Variants in WDFY4 observed in about 807,000 individuals in gnomAD.
WDFY4 encodes the protein WDFY family member 4, also known as WD repeat- and FYVE domain-containing protein 4.
A neutral mutation model predicts 351.9 loss-of-function variants in WDFY4; 169 were observed. That is an observed-to-expected ratio of 0.48 (90% CI 0.42 to 0.55). The LOEUF is 0.55. Ranked by LOEUF, WDFY4 falls within the 20% of genes least tolerant of loss-of-function variation. The probability of loss-of-function intolerance (pLI) is 0.00; values close to 1 mark genes in which losing one functional copy is unlikely to be tolerated. For synonymous variants in WDFY4, 1,622 were observed against 1,574.6 expected (o/e 1.03, Z -0.71); for missense variants, 3,803 against 3,935.6 (o/e 0.97, Z 0.90).
intron 5 of WDFY4, among the ~76,000 whole-genome samples, chr10:48,724,016 C>G (rs1589457110): frequency 6.6e-6 from 1 of 152,178 alleles, no homozygotes; most frequent in South Asian, 2.1e-4. Flanking sequence ...TCTCAGGCCT[C>G]TAAGCATCAA....
intron 39 of WDFY4, among the ~76,000 whole-genome samples, chr10:48,844,223 A>T (rs2068702467): frequency 6.6e-6 from 1 of 152,202 alleles, no homozygotes; most frequent in South Asian, 2.1e-4. Context: ...GGTTGATGTA[A>T]ACTTGGCTCT....
intron 23 of WDFY4, among the ~76,000 whole-genome samples, chr10:48,794,095 G>A (rs2066773088): frequency 6.6e-6 from 1 of 152,176 alleles, no homozygotes; most frequent in Non-Finnish European, 1.5e-5. Flanking sequence ...TGGAGGGTAG[G>A]GAGCCATAGC....
chr10:48,812,247 T>G (rs1269460593), intron 30 of WDFY4, among the ~76,000 whole-genome samples: 1 of 147,086 alleles, frequency 6.8e-6, no homozygotes, highest in African/African-American at 2.6e-5. Flanking sequence ...GAGAGTGCAG[T>G]GGCGTGATCT....
At chr10:48,838,062 C>T (rs1298540384) in intron 39 of WDFY4, among the ~76,000 whole-genome samples, 1 of 152,234 alleles carries the variant, frequency 6.6e-6, no homozygotes, top group Admixed American at 6.5e-5. Context: ...TATTAGCAAA[C>T]TGAAATGGCC....
chr10:48,964,959 C>T (rs1387227405), intron 54 of WDFY4, among the ~76,000 whole-genome samples: 1 of 152,078 alleles, frequency 6.6e-6, no homozygotes, highest in Non-Finnish European at 1.5e-5. Flanking sequence ...GAGGTTTGCT[C>T]AGCTCCCAGG....
At chr10:48,977,528 C>A (rs1007568443) in intron 59 of WDFY4, among the ~76,000 whole-genome samples, 1 of 152,178 alleles carries the variant, frequency 6.6e-6, no homozygotes, top group Non-Finnish European at 1.5e-5. Context: ...CCTAGGCAGT[C>A]CCCTCATAGG....
intron 12 of WDFY4, among the ~76,000 whole-genome samples, chr10:48,743,750 T>A (rs1038113843): frequency 6.6e-6 from 1 of 152,050 alleles, no homozygotes; most frequent in African/African-American, 2.4e-5. Context: ...TCAATCTGAG[T>A]CAGTACTGGG....
At chr10:48,917,557 C>T (rs1838665229) in intron 47 of WDFY4, among the ~76,000 whole-genome samples, 1 of 152,214 alleles carries the variant, frequency 6.6e-6, no homozygotes, top group Non-Finnish European at 1.5e-5. Flanking sequence ...GGTTTCTCAT[C>T]AGAAACCACA....
At chr10:48,969,042 C>A in intron 55 of WDFY4, 22 bp from the exon 56 acceptor site, 1 of 1,547,488 alleles carries the variant, frequency 6.5e-7, no homozygotes, top group South Asian at 1.2e-5. Flanking sequence ...TGCATAAGTT[C>A]GCCATACTAA....
intron 59 of WDFY4, among the ~76,000 whole-genome samples, chr10:48,977,776 G>C (rs1009505074): frequency 5.9e-5 from 9 of 152,218 alleles, no homozygotes; most frequent in African/African-American, 2.2e-4. Flanking sequence ...GCCTGGCGTG[G>C]GGCTCACAGA....
chr10:48,853,164 T>C (rs2069014637), intron 39 of WDFY4, among the ~76,000 whole-genome samples: 1 of 152,174 alleles, frequency 6.6e-6, no homozygotes, highest in African/African-American at 2.4e-5. Context: ...TCCAGTTTTC[T>C]GACCTTGTCT....
At chr10:48,830,933 G>A (rs944292694) in intron 38 of WDFY4, 48 bp downstream of exon 38, 12 of 1,524,324 alleles carry the variant, frequency 7.9e-6, no homozygotes, top group Admixed American at 2.0e-5. Flanking sequence ...GGGTCTCACA[G>A]AGCCAGACTC....
At chr10:48,864,579 A>T (rs996119151) in intron 39 of WDFY4, among the ~76,000 whole-genome samples, 11 of 152,188 alleles carry the variant, frequency 7.2e-5, no homozygotes, top group African/African-American at 2.7e-4. Flanking sequence ...TTGTAATTTC[A>T]TATGATCTTG....
chr10:48,974,718 C>A, intron 57 of WDFY4, 144 bp from the exon 58 acceptor site: 1 of 838,098 alleles, frequency 1.2e-6, no homozygotes, highest in Non-Finnish European at 1.8e-6. Context: ...CCCCCAGCTG[C>A]ACAGACAACA....
intron 56 of WDFY4, 41 bp from the exon 57 acceptor site, chr10:48,970,090 G>C (rs1313006158): frequency 6.5e-7 from 1 of 1,544,924 alleles, no homozygotes; most frequent in East Asian, 2.4e-5. Context: ...TCCTGTCCCT[G>C]CTGTCTCCAC....
intron 12 of WDFY4, among the ~76,000 whole-genome samples, chr10:48,751,800 G>A (rs2065191980): frequency 1.3e-5 from 2 of 152,162 alleles, no homozygotes; most frequent in South Asian, 2.1e-4. Context: ...AGCAAGACAA[G>A]TACCAGGATT....
chr10:48,869,946 ATGTCT>A (rs1388547705), intron 40 of WDFY4, among the ~76,000 whole-genome samples: 4 of 152,212 alleles, frequency 2.6e-5, no homozygotes, highest in Admixed American at 1.3e-4. Flanking sequence ...AACAAAAAAA[ATGTCT>A]TGTTTTACTG....
At chr10:48,798,966 T>C (rs1001215494) in intron 24 of WDFY4, among the ~76,000 whole-genome samples, 1 of 152,146 alleles carries the variant, frequency 6.6e-6, no homozygotes, top group Non-Finnish European at 1.5e-5. Context: ...GGAAAGAAGA[T>C]GTACATAAAT....
intron 29 of WDFY4, 65 bp from the exon 30 acceptor site, chr10:48,811,474 C>T: frequency 6.8e-7 from 1 of 1,463,460 alleles, no homozygotes; most frequent in Non-Finnish European, 9.3e-7. Context: ...TTTGTGTGTC[C>T]AGGCCCCACC....
Sources: gnomAD v4.1 joint callset for allele counts (sites outside exome capture counted in the v4.1 genomes callset) on GRCh38, gnomAD v4.1.1 for gene constraint, MANE v1.5 for transcripts, NCBI Gene and HGNC (gene_info 2026-07-23, HGNC 2026-07-21) for gene names.